LRGUK: variants seen among roughly 807,000 people sequenced by gnomAD.
LRGUK encodes leucine rich repeats and guanylate kinase domain containing, also known as leucine-rich repeat and guanylate kinase domain-containing protein.
LRGUK carries 65 observed loss-of-function variants against 76.0 expected under a neutral mutation model. The ratio of observed to expected loss-of-function variants is 0.85; its 90% CI spans 0.70 to 1.05. The LOEUF is 1.05. Among genes scored for constraint, LRGUK ranks in the 50% least tolerant of loss-of-function variants. LRGUK has a pLI of 0.00. For missense variants in LRGUK, 758 were observed against 732.8 expected, an observed-to-expected ratio of 1.03 and a Z score of -0.40; for synonymous variants, 268 against 265.6, an observed-to-expected ratio of 1.01 and a Z score of -0.09.
chr7:134,182,256 G>A (rs1799788184), intron 10 of LRGUK, among the ~76,000 whole-genome samples: 1 of 152,174 alleles, frequency 6.6e-6, no homozygotes, highest in Admixed American at 6.6e-5. Flanking sequence ...CTTACCTGTT[G>A]AAAGACATCT....
chr7:134,184,692 TC>T (rs1799909520), intron 11 of LRGUK, among the ~76,000 whole-genome samples: 2 of 152,200 alleles, frequency 1.3e-5, no homozygotes, highest in Admixed American at 6.5e-5. Flanking sequence ...TTCATGCTGT[TC>T]CCCACCTTTT....
chr7:134,144,280 C>T (rs532244921), intron 4 of LRGUK, among the ~76,000 whole-genome samples: 1 of 152,148 alleles, frequency 6.6e-6, no homozygotes, highest in Non-Finnish European at 1.5e-5. Context: ...GGACTACAGG[C>T]ACGTGCCAAA....
At chr7:134,209,613 C>T (rs1394539459) in exon 16 of LRGUK, 3 of 398,966 alleles carry the variant, frequency 7.5e-6, no homozygotes, top group East Asian at 3.6e-5. Context: ...AAACTCCTAT[C>T]GCCCAGCAGG....
chr7:134,148,287 C>T (rs552957381), exon 5 of LRGUK: 8 of 1,602,102 alleles, frequency 5.0e-6, no homozygotes, highest in Non-Finnish European at 5.9e-6. Context: ...GATTTGTCAG[C>T]GTATCATGCT....
In LRGUK at chr7:134,256,368, A is replaced by T. The variant is rs140946513; in HGVS notation, c.2199-1889A>T. ...CAGCTACTCGGGAGGCTGAGGCAGG[A>T]GAATGACTTGAACCGGGCAGGCGGA... On this transcript the variant is annotated intron_variant, in intron 18 of 19. Coordinates refer to the LRGUK transcript ENST00000285928. Among the ~76,000 whole-genome samples, 1,039 of 150,662 alleles carry T rather than the reference A, an allele frequency of 6.9e-3. 7 individuals carry two copies. Among genetic ancestry groups the T allele is most frequent in the Middle Eastern group, 0.01 (3 of 294 alleles).
intron 16 of LRGUK, among the ~76,000 whole-genome samples, chr7:134,233,959 A>C (rs1452668136): frequency 6.6e-6 from 1 of 152,174 alleles, no homozygotes; most frequent in African/African-American, 2.4e-5. Context: ...CTTTCTTAAA[A>C]CATGAGATTT....
intron 15 of LRGUK, among the ~76,000 whole-genome samples, chr7:134,205,110 G>A (rs1005349902): frequency 7.2e-5 from 11 of 152,172 alleles, no homozygotes; most frequent in Admixed American, 2.6e-4. Flanking sequence ...GGTGGCCAGC[G>A]TTTATTCCCT....
At chr7:134,230,922 T>C (rs1054416112) in intron 16 of LRGUK, among the ~76,000 whole-genome samples, 1 of 152,180 alleles carries the variant, frequency 6.6e-6, no homozygotes, top group African/African-American at 2.4e-5. Flanking sequence ...TTGAGGGACC[T>C]GGAGATGCTG....
rs554544098 is a variant in LRGUK at position 134,241,772 on chromosome 7, ACACTTATT to A, written c.1984-5782_1984-5775del. Among the ~76,000 whole-genome samples, 45 of 152,288 alleles carry A rather than the reference ACACTTATT, an allele frequency of 3.0e-4. 2 individuals are homozygous for A. The South Asian group carries it at 5.8e-3, about 20-fold the overall frequency. On this transcript the variant is annotated intron_variant, in intron 16 of 19. Coordinates refer to the LRGUK transcript ENST00000285928. ...TATACATTCTTCTCAGCACCACATC[ACACTTATT>A]CCAAAATTGAACACATAGTTGGAAG...
intron 5 of LRGUK, among the ~76,000 whole-genome samples, chr7:134,150,479 C>CAAAAAAAAAAAAAAAAAGAAAA (rs11403705): frequency 7.4e-6 from 1 of 134,574 alleles, no homozygotes; most frequent in Non-Finnish European, 1.6e-5. Context: ...AACAAGCAAA[C>CAAAAAAAAAAAAAAAAAGAAAA]AAAAAAAAAA....
chr7:134,217,543 A>G (rs1479599851), intron 15 of LRGUK, among the ~76,000 whole-genome samples: 2 of 152,130 alleles, frequency 1.3e-5, no homozygotes, highest in African/African-American at 2.4e-5. Context: ...TTATTTTGCT[A>G]TGGAAATTAT....
At chr7:134,218,171 C>T (rs1228809876) in intron 15 of LRGUK, among the ~76,000 whole-genome samples, 1 of 152,128 alleles carries the variant, frequency 6.6e-6, no homozygotes, top group Non-Finnish European at 1.5e-5. Flanking sequence ...CAATGTTGGC[C>T]AGGCTGGTCT....
downstream of LRGUK, among the ~76,000 whole-genome samples, chr7:134,213,770 G>A (rs1801357944): frequency 6.6e-6 from 1 of 152,160 alleles, no homozygotes; most frequent in African/African-American, 2.4e-5. Flanking sequence ...GTGGAAAAGA[G>A]TATCAACAGG....
chr7:134,195,826 G>T (rs997750384), intron 12 of LRGUK, among the ~76,000 whole-genome samples: 1 of 152,144 alleles, frequency 6.6e-6, no homozygotes, highest in Non-Finnish European at 1.5e-5. Flanking sequence ...TTATTGTTGA[G>T]TTTTTAACTT....
At chr7:134,168,214 A>T (rs183270632) in intron 7 of LRGUK, among the ~76,000 whole-genome samples, 96 of 152,100 alleles carry the variant, frequency 6.3e-4, no homozygotes, top group African/African-American at 2.2e-3. Context: ...ATAATAATAA[A>T]AAAAACTGGG....
chr7:134,223,870 C>G (rs1801664884), intron 16 of LRGUK, among the ~76,000 whole-genome samples: 1 of 152,186 alleles, frequency 6.6e-6, no homozygotes, highest in South Asian at 2.1e-4. Context: ...GATCCTCTCA[C>G]CTCAGCCTCC....
chr7:134,190,079 T>A (rs11487152), intron 11 of LRGUK, among the ~76,000 whole-genome samples: 2 of 152,148 alleles, frequency 1.3e-5, no homozygotes, highest in Non-Finnish European at 2.9e-5. Context: ...GTAACATTAC[T>A]TAATCGCTGT....
intron 11 of LRGUK, among the ~76,000 whole-genome samples, chr7:134,191,295 T>TGTG (rs1283671027): frequency 2.0e-5 from 3 of 152,200 alleles, no homozygotes; most frequent in Non-Finnish European, 4.4e-5. Flanking sequence ...AAGGACAGCC[T>TGTG]GTGGAAAAGG....
intron 5 of LRGUK, among the ~76,000 whole-genome samples, chr7:134,155,146 C>T (rs941975094): frequency 4.6e-5 from 7 of 152,132 alleles, no homozygotes; most frequent in African/African-American, 7.2e-5. Context: ...GATGGCCATT[C>T]GAAGTTTTCC....
Sources: gnomAD v4.1 joint callset for allele counts (sites outside exome capture counted in the v4.1 genomes callset) on GRCh38, gnomAD v4.1.1 for gene constraint, MANE v1.5 for transcripts, NCBI Gene and HGNC (gene_info 2026-07-23, HGNC 2026-07-21) for gene names.